IL1RAPL1: variants seen among roughly 807,000 people sequenced by gnomAD.
The protein encoded by IL1RAPL1 is interleukin 1 receptor accessory protein like 1.
In IL1RAPL1, 3 loss-of-function variants were observed where a neutral mutation model predicts 48.4. The observed-to-expected ratio is 0.06, with a 90% CI of 0.03 to 0.16. The LOEUF (loss-of-function observed/expected upper bound fraction) is 0.16. Among genes scored for constraint, IL1RAPL1 ranks in the 10% least tolerant of loss-of-function variants. The probability of loss-of-function intolerance (pLI) is 1.00; values close to 1 mark genes in which losing one functional copy is unlikely to be tolerated. For missense variants in IL1RAPL1, 349 were observed against 530.6 expected, an observed-to-expected ratio of 0.66 and a Z score of 3.36; for synonymous variants, 185 against 187.7, an observed-to-expected ratio of 0.99 and a Z score of 0.12.
chrX:29,457,884 G>C (rs770396128), intron 5 of IL1RAPL1, among the ~76,000 whole-genome samples: 1 of 112,130 alleles, frequency 8.9e-6, no homozygotes, highest in African/African-American at 3.2e-5. Context: ...TCAAATAGCT[G>C]TTCTGACTTG....
chrX:29,447,709 A>G (rs1354148801), intron 5 of IL1RAPL1, among the ~76,000 whole-genome samples: 1 of 112,374 alleles, frequency 8.9e-6, no homozygotes, highest in Non-Finnish European at 1.9e-5. Flanking sequence ...TTCAAAGAAT[A>G]TCCTTTGAGC....
intron 2 of IL1RAPL1, among the ~76,000 whole-genome samples, chrX:28,843,036 G>A (rs932980192): frequency 1.8e-5 from 2 of 109,587 alleles, no homozygotes; most frequent in Admixed American, 2.0e-4. Context: ...AAGCAATTTC[G>A]TGTCTTATAT....
Position 29,429,891 on chromosome X carries a change from T to TGGG in IL1RAPL1, c.703+30584_703+30585insGGG, listed in dbSNP as rs35220847. On this transcript the variant is annotated intron_variant, in intron 5 of 10. Coordinates refer to ENST00000378993, the MANE Select transcript of IL1RAPL1 (RefSeq NM_014271.4). Reference sequence around the variant, plus strand: ...TATAGTGTATATATATGTGTGTGTGTGTGGTGTGTGTGTGTGTGTGTGTGT... The same window carrying TGGG: ...TATAGTGTATATATATGTGTGTGTGTGGGGTGGTGTGTGTGTGTGTGTGTGTGT... Among the ~76,000 whole-genome samples the TGGG allele has an allele frequency of 3.3e-5, 3 of 90,691 alleles. No homozygotes were observed. The South Asian group carries it at 1.9e-3, about 56-fold the overall frequency. The allele number at this position is 90,691 out of a possible 115,157, so 78.8% of individuals were successfully genotyped here. A position where few individuals can be genotyped will look rare whatever the true frequency, so the allele number is the denominator to read the frequency against.
In IL1RAPL1 at chrX:29,941,525, G is replaced by C. The variant is rs142520102; in HGVS notation, c.1058-126G>C. 3.3e-5 allele frequency: 22 copies of C among 661,518 alleles called. No homozygotes were observed. In the East Asian group the frequency reaches 7.1e-4, roughly 21 times the overall value. The allele number at this position is 661,518 out of a possible 1,213,427, so 54.5% of individuals were successfully genotyped here. A position where few individuals can be genotyped will look rare whatever the true frequency, so the allele number is the denominator to read the frequency against. ...GTCAAATTCTCATGCAAAAAGGAAA[G>C]GGGTTGTGTCAACCCGTTAACCCAC... On this transcript the variant is annotated intron_variant, in intron 8 of 10. Transcript: ENST00000378993.
At chrX:29,364,332 G>A (rs979080053) in intron 3 of IL1RAPL1, among the ~76,000 whole-genome samples, 3 of 109,918 alleles carry the variant, frequency 2.7e-5, no homozygotes, top group African/African-American at 6.6e-5. Context: ...GTCGAGATGA[G>A]CAGATCACTT....
Position 28,831,024 on chromosome X carries a change from CTCTGTGTGTG to C in IL1RAPL1, c.82+41601_82+41610del, listed in dbSNP as rs1214631918. Among the ~76,000 whole-genome samples the C allele has an allele frequency of 1.9e-4, 11 of 59,243 alleles. No homozygotes were observed. In the East Asian group the frequency reaches 5.1e-3, roughly 28 times the overall value. 51.4% of individuals were successfully genotyped at this position (59,243 alleles called of 115,157 possible). A position where few individuals can be genotyped will look rare whatever the true frequency, so the allele number is the denominator to read the frequency against. On this transcript the variant is annotated intron_variant, in intron 2 of 10. Coordinates refer to ENST00000378993, the MANE Select transcript of IL1RAPL1 (RefSeq NM_014271.4). ...TCTCTCTCTCTCTCTCTCTCTCTCTCTCTGTGTGTGTGTGTGTGTGTGTGTGTGTGTGTGT... is the reference window on the plus strand; with the variant it reads ...TCTCTCTCTCTCTCTCTCTCTCTCTCTGTGTGTGTGTGTGTGTGTGTGTGT...
chrX:29,141,220 A>G (rs760372068), intron 2 of IL1RAPL1, among the ~76,000 whole-genome samples: 1 of 110,701 alleles, frequency 9.0e-6, no homozygotes, highest in East Asian at 2.8e-4. Flanking sequence ...TTATATATAT[A>G]TATATATGAA....
intron 3 of IL1RAPL1, among the ~76,000 whole-genome samples, chrX:29,393,823 T>C (rs1288499796): frequency 2.7e-5 from 3 of 110,425 alleles, no homozygotes; most frequent in African/African-American, 9.9e-5. Context: ...AGTTAATAGG[T>C]TAATGTAGAT....
intron 5 of IL1RAPL1, among the ~76,000 whole-genome samples, chrX:29,660,059 G>A (rs1310588787): frequency 4.5e-5 from 5 of 111,071 alleles, no homozygotes; most frequent in African/African-American, 1.6e-4. Context: ...AGACAGCGAA[G>A]GGGGAAGTGC....
chrX:29,842,818 A>G (rs948210917), intron 6 of IL1RAPL1, among the ~76,000 whole-genome samples: 5 of 111,768 alleles, frequency 4.5e-5, no homozygotes, highest in Admixed American at 9.5e-5. Context: ...AGCATAGTAC[A>G]TTCATACAAG....
intron 5 of IL1RAPL1, among the ~76,000 whole-genome samples, chrX:29,607,184 A>G (rs1198795710): frequency 1.8e-5 from 2 of 111,546 alleles, no homozygotes; most frequent in African/African-American, 3.3e-5. Context: ...CCTATGTAAC[A>G]TGCACACTGT....
intron 6 of IL1RAPL1, among the ~76,000 whole-genome samples, chrX:29,836,230 C>T (rs1304428256): frequency 1.0e-5 from 1 of 98,839 alleles, no homozygotes; most frequent in Non-Finnish European, 2.0e-5. Flanking sequence ...CTCACTTTGT[C>T]GCCAGGCTGG....
At chrX:28,621,203 G>C (rs1207099355) in intron 1 of IL1RAPL1, among the ~76,000 whole-genome samples, 6 of 112,173 alleles carry the variant, frequency 5.3e-5, no homozygotes, top group Non-Finnish European at 1.9e-5. Context: ...TTCCGTAAAA[G>C]CTCGGACACT....
At chrX:28,800,870 T>C (rs887275551) in intron 2 of IL1RAPL1, among the ~76,000 whole-genome samples, 2 of 105,154 alleles carry the variant, frequency 1.9e-5, no homozygotes, top group African/African-American at 6.9e-5. Context: ...TTTATTTATT[T>C]ATTTATTTAT....
intron 2 of IL1RAPL1, among the ~76,000 whole-genome samples, chrX:28,972,657 T>G (rs1468973395): frequency 9.0e-6 from 1 of 111,050 alleles, no homozygotes. Context: ...GAGAATGGCG[T>G]GAACCTAGGA....
intron 1 of IL1RAPL1, among the ~76,000 whole-genome samples, chrX:28,627,934 A>G (rs1934358498): frequency 9.0e-6 from 1 of 111,235 alleles, no homozygotes; most frequent in African/African-American, 3.3e-5. Context: ...GTCACTTACA[A>G]GGTTAGCTAC....
At chrX:29,336,181 G>A (rs762599046) in intron 3 of IL1RAPL1, among the ~76,000 whole-genome samples, 48 of 96,431 alleles carry the variant, frequency 5.0e-4, no homozygotes, top group African/African-American at 1.6e-3. Flanking sequence ...GGTAGAAAAG[G>A]TGTGTGTGTA....
chrX:28,679,474 T>C (rs1302423923), intron 1 of IL1RAPL1, among the ~76,000 whole-genome samples: 1 of 111,626 alleles, frequency 9.0e-6, no homozygotes, highest in African/African-American at 3.2e-5. Context: ...CTTGATGTAA[T>C]CTCACTTGTC....
chrX:29,280,112 A>C (rs1203076891), intron 2 of IL1RAPL1, among the ~76,000 whole-genome samples: 1 of 112,454 alleles, frequency 8.9e-6, no homozygotes, highest in Non-Finnish European at 1.9e-5. Flanking sequence ...TTACACTTAT[A>C]ATCAAAATTA....
Sources: gnomAD v4.1 joint callset for allele counts (sites outside exome capture counted in the v4.1 genomes callset) on GRCh38, gnomAD v4.1.1 for gene constraint, MANE v1.5 for transcripts, NCBI Gene and HGNC (gene_info 2026-07-23, HGNC 2026-07-21) for gene names.